SOCS1: variants seen among roughly 807,000 people sequenced by gnomAD.
The protein encoded by SOCS1 is suppressor of cytokine signaling 1, also known as JAK binding protein.
Under a neutral mutation model 9.7 loss-of-function variants are expected in SOCS1, and 3 were observed. The ratio of observed to expected loss-of-function variants is 0.31; its 90% CI spans 0.14 to 0.80. The LOEUF (loss-of-function observed/expected upper bound fraction) is 0.80, where lower values mean the gene tolerates loss of function less well. Among genes scored for constraint, SOCS1 ranks in the 30% least tolerant of loss-of-function variants. SOCS1 has a pLI of 0.61. For missense variants in SOCS1, 368 were observed against 324.7 expected (o/e 1.13, Z -1.02); for synonymous variants, 194 against 150.2 (o/e 1.29, Z -2.13).
chr16:11,255,311 G>A lies in SOCS1; in HGVS notation c.168C>T (p.Arg56=). Reference sequence around the variant, plus strand: ...GGTAATCGGCGTGCGAACGGAATGTGCGGAAGTGCGTGTCGCCGGGGGCCG... The same window carrying A: ...GGTAATCGGCGTGCGAACGGAATGTACGGAAGTGCGTGTCGCCGGGGGCCG... The part of the protein sequence containing the change: ...PAPAPGDTHF[R]TFRSHADYRR... The change falls in exon 2 of 2, where the codon CGC becomes CGT. Residue 56 remains arginine (R), a synonymous_variant. Coordinates refer to ENST00000332029, the MANE Select transcript of SOCS1 (RefSeq NM_003745.2). 3 of 1,488,186 alleles carry A rather than the reference G, an allele frequency of 2.0e-6. No individual in the cohort carries two copies. The highest frequency in any genetic ancestry group is 1.8e-6 in the Non-Finnish European group (2 of 1,123,658). 92.2% of individuals were successfully genotyped at this position (1,488,186 alleles called of 1,614,324 possible).
rs1194199987 is a variant in SOCS1 at position 11,256,156 on chromosome 16, T to C, written c.-128A>G. On this transcript the variant is annotated 5_prime_UTR_variant, in exon 1 of 2. Coordinates refer to ENST00000332029, the MANE Select transcript of SOCS1 (RefSeq NM_003745.2). ...GCTCCGGGGCGGCTCTCGCGCATGCTCCGGGGCCAGGAGCCGTGCAGCTGC... is the reference window on the plus strand; with the variant it reads ...GCTCCGGGGCGGCTCTCGCGCATGCCCCGGGGCCAGGAGCCGTGCAGCTGC... The C allele has an allele frequency of 1.3e-5, 2 of 151,262 alleles. No homozygotes were observed. The highest frequency in any genetic ancestry group is 2.0e-4 in the East Asian group (1 of 5,100). The allele number at this position is 151,262 out of a possible 1,614,324, so 9.4% of individuals were successfully genotyped here. A position where few individuals can be genotyped will look rare whatever the true frequency, so the allele number is the denominator to read the frequency against.
chr16:11,254,858 GA>G lies in SOCS1; in HGVS notation c.620del (p.Phe207SerfsTer16), dbSNP rs1567455227. 1 of 1,485,678 alleles carries G rather than the reference GA, an allele frequency of 6.7e-7. No homozygotes were observed. Among genetic ancestry groups the G allele is most frequent in the Non-Finnish European group, 8.9e-7 (1 of 1,126,930 alleles). The allele number at this position is 1,485,678 out of a possible 1,614,324, so 92.0% of individuals were successfully genotyped here. A position where few individuals can be genotyped will look rare whatever the true frequency, so the allele number is the denominator to read the frequency against. On this transcript the variant is annotated frameshift_variant, in exon 2 of 2. Transcript: ENST00000332029. LOFTEE classifies it high-confidence loss of function. Reference protein sequence around the residue: ...NPVLRDYLSSFPFQI With the variant: ...NPVLRDYLSSXPFQI ...GCGCTGCCGGTCAAATCTGGAAGGG[GA>G]AGGAGCTCAGGTAGTCGCGGAGGAC...
Position 11,255,422 on chromosome 16 carries a change from G to T in SOCS1, c.57C>A (p.Pro19=), listed in dbSNP as rs1352076296. ...ADNAVSTAAE[P]RRRPEPSSSS... is the part of the protein sequence containing the mutation. The stretch of plus-strand genomic sequence containing the variant: ...AGGAGGAAGGTTCTGGCCGCCGTCG[G>T]GGCTCTGCTGCTGTGGAGACTGCAT... Residue 19 remains proline (P), a synonymous_variant, in exon 2 of 2, where the codon CCC becomes CCA. Coordinates refer to ENST00000332029, the MANE Select transcript of SOCS1 (RefSeq NM_003745.2). 7.5e-7 allele frequency: 1 copy of T among 1,329,640 alleles called. No individual in the cohort carries two copies. The allele number at this position is 1,329,640 out of a possible 1,614,324, so 82.4% of individuals were successfully genotyped here.
rs1398362753 is a variant in SOCS1, at chr16:11,254,419, A to ATT, written c.*423_*424insAA. ...CGCTAGAAAACTTATTTTTTTTTAAAAAAAAAACTTTCATAATAAAGTTTA... is the reference window on the plus strand; with the variant it reads ...CGCTAGAAAACTTATTTTTTTTTAAATTAAAAAAACTTTCATAATAAAGTTTA... On this transcript the variant is annotated 3_prime_UTR_variant, in exon 2 of 2. Coordinates refer to ENST00000332029, the MANE Select transcript of SOCS1 (RefSeq NM_003745.2). 16 of 231,642 alleles carry ATT rather than the reference A, an allele frequency of 6.9e-5. No individual in the cohort carries two copies. The highest frequency in any genetic ancestry group is 3.6e-4 in the African/African-American group (16 of 44,792). The allele number at this position is 231,642 out of a possible 1,614,324, so 14.3% of individuals were successfully genotyped here. A position where few individuals can be genotyped will look rare whatever the true frequency, so the allele number is the denominator to read the frequency against.
chr16:11,254,548 A>C lies in SOCS1; in HGVS notation c.*295T>G. On this transcript the variant is annotated 3_prime_UTR_variant, in exon 2 of 2. Coordinates refer to ENST00000332029, the MANE Select transcript of SOCS1 (RefSeq NM_003745.2). The stretch of plus-strand genomic sequence containing the variant: ...CCTGGTTTGTGCAAAGATACTGGGT[A>C]TATGTAAACATGAAGAGGTAGGAGG... 1 of 326,234 alleles carries C rather than the reference A, an allele frequency of 3.1e-6. No homozygotes were observed. 20.2% of individuals were successfully genotyped at this position (326,234 alleles called of 1,614,324 possible). A position where few individuals can be genotyped will look rare whatever the true frequency, so the allele number is the denominator to read the frequency against.
At position 11,255,045 on chromosome 16, in the gene SOCS1, T is replaced by G. The variant is rs2141124651; in HGVS notation, c.434A>C (p.Asp145Ala). The change falls in exon 2 of 2, where the codon GAC becomes GCC. Residue 145 changes from aspartate to alanine, a missense_variant. Transcript: ENST00000332029. ...FHLDGSRESF[D>A]CLFELLEHYV... ...GTGCTCCAGCAGCTCGAAGAGGCAG[T>G]CGAAGCTCTCGCGGCTGCCATCCAG... is the stretch of plus-strand genomic sequence containing the variant. The G allele has an allele frequency of 6.2e-7, 1 of 1,607,306 alleles. No individual in the cohort carries two copies. The highest frequency in any genetic ancestry group is 2.3e-5 in the East Asian group (1 of 44,274).
chr16:11,255,360 C>T lies in SOCS1; in HGVS notation c.119G>A (p.Arg40Gln). ...SSSPAAPARP[R>Q]PCPAVPAPAP... is the part of the protein sequence containing the mutation. ...CGGGGCCGGGACCGCGGGGCACGGC[C>T]GCGGGCGCGCGGGGGCCGCGGGCGA... The change falls in exon 2 of 2, where the codon CGG becomes CAG. Residue 40 changes from arginine (R) to glutamine (Q), a missense_variant. Transcript: ENST00000332029. The T allele has an allele frequency of 3.0e-6, 4 of 1,343,244 alleles. No homozygotes were observed. The highest frequency in any genetic ancestry group is 3.1e-5 in the East Asian group (1 of 32,666). The allele number at this position is 1,343,244 out of a possible 1,614,324, so 83.2% of individuals were successfully genotyped here.
At position 11,254,810 on chromosome 16, in the gene SOCS1, A is replaced by C. The variant is rs2069574298; in HGVS notation, c.*33T>G. The stretch of plus-strand genomic sequence containing the variant: ...TAATAACAAAATAACACGGCATCCC[A>C]GTTAATGCTGCGTGCACGGCGGGCG... On this transcript the variant is annotated 3_prime_UTR_variant, in exon 2 of 2. Coordinates refer to ENST00000332029, the MANE Select transcript of SOCS1 (RefSeq NM_003745.2). The C allele has an allele frequency of 5.5e-6, 8 of 1,459,000 alleles. No individual in the cohort carries two copies. Among genetic ancestry groups the C allele is most frequent in the Admixed American group, 5.8e-5 (2 of 34,660 alleles). 90.4% of individuals were successfully genotyped at this position (1,459,000 alleles called of 1,614,324 possible).
At position 11,254,748 on chromosome 16, in the gene SOCS1, C is replaced by A; in HGVS notation, c.*95G>T. 20 of 1,374,014 alleles carry A rather than the reference C, an allele frequency of 1.5e-5. No homozygotes were observed. Among genetic ancestry groups the A allele is most frequent in the Non-Finnish European group, 1.9e-5 (20 of 1,063,328 alleles). 85.1% of individuals were successfully genotyped at this position (1,374,014 alleles called of 1,614,324 possible). ...CCTACACCCATCCGCTCCCTCCAACCCAGGCCGGGGAGGGTACCCACATGG... is the reference window on the plus strand; with the variant it reads ...CCTACACCCATCCGCTCCCTCCAACACAGGCCGGGGAGGGTACCCACATGG... On this transcript the variant is annotated 3_prime_UTR_variant, in exon 2 of 2. Coordinates refer to ENST00000332029, the MANE Select transcript of SOCS1 (RefSeq NM_003745.2).
At position 11,255,354 on chromosome 16, in the gene SOCS1, C is replaced by T. The variant is rs1306590732; in HGVS notation, c.125G>A (p.Cys42Tyr). The change falls in exon 2 of 2, where the codon TGC becomes TAC. Residue 42 changes from cysteine to tyrosine, a missense_variant. Cys to Tyr is a radical substitution (Grantham distance 194). Coordinates refer to ENST00000332029, the MANE Select transcript of SOCS1 (RefSeq NM_003745.2). ...SPAAPARPRPCPAVPAPAPGD... is the reference protein window; with the variant it reads ...SPAAPARPRPYPAVPAPAPGD... ...GGGGGCCGGGGCCGGGACCGCGGGGCACGGCCGCGGGCGCGCGGGGGCCGC... is the reference window on the plus strand; with the variant it reads ...GGGGGCCGGGGCCGGGACCGCGGGGTACGGCCGCGGGCGCGCGGGGGCCGC... 2 of 1,357,776 alleles carry T rather than the reference C, an allele frequency of 1.5e-6. No individual in the cohort carries two copies. The highest frequency in any genetic ancestry group is 1.9e-5 in the South Asian group (1 of 52,274). 84.1% of individuals were successfully genotyped at this position (1,357,776 alleles called of 1,614,324 possible). A position where few individuals can be genotyped will look rare whatever the true frequency, so the allele number is the denominator to read the frequency against.
In SOCS1 at chr16:11,255,301, A is replaced by T; in HGVS notation, c.178T>A (p.Ser60Thr). 1.3e-6 allele frequency: 2 copies of T among 1,526,656 alleles called. No homozygotes were observed. Among genetic ancestry groups the T allele is most frequent in the Non-Finnish European group, 1.8e-6 (2 of 1,141,632 alleles). 94.6% of individuals were successfully genotyped at this position (1,526,656 alleles called of 1,614,324 possible). ...GTGATGCGCCGGTAATCGGCGTGCG[A>T]ACGGAATGTGCGGAAGTGCGTGTCG... Reference protein sequence around the residue: ...PGDTHFRTFRSHADYRRITRA... With the variant: ...PGDTHFRTFRTHADYRRITRA... The change falls in exon 2 of 2, where the codon TCG (serine) becomes ACG (threonine). Residue 60 changes from serine to threonine, a missense_variant. Coordinates refer to ENST00000332029, the MANE Select transcript of SOCS1 (RefSeq NM_003745.2).
Position 11,255,172 on chromosome 16 carries a change from C to G in SOCS1, c.307G>C (p.Val103Leu), listed in dbSNP as rs769403369. ...LRAEPVGTFL[V>L]RDSRQRNCFF... ...CAGTTCCGCTGGCGGCTGTCGCGCA[C>G]CAGGAAGGTGCCCACGGGCTCGGCG... Residue 103 changes from valine (V) to leucine (L), a missense_variant, in exon 2 of 2, where the codon GTG (valine) becomes CTG (leucine). By Grantham distance (32) the Val-to-Leu change is conservative (BLOSUM62 1). Transcript: ENST00000332029. The G allele has an allele frequency of 7.0e-5, 111 of 1,596,698 alleles. No individual in the cohort carries two copies. The highest frequency in any genetic ancestry group is 8.9e-5 in the Non-Finnish European group (105 of 1,176,036).
chr16:11,254,660 C>A lies in SOCS1; in HGVS notation c.*183G>T, dbSNP rs1015148445. 3.8e-6 allele frequency: 3 copies of A among 783,904 alleles called. No individual in the cohort carries two copies. Among genetic ancestry groups the A allele is most frequent in the Non-Finnish European group, 5.3e-6 (3 of 563,558 alleles). The allele number at this position is 783,904 out of a possible 1,614,324, so 48.6% of individuals were successfully genotyped here. On this transcript the variant is annotated 3_prime_UTR_variant, in exon 2 of 2. Coordinates refer to ENST00000332029, the MANE Select transcript of SOCS1 (RefSeq NM_003745.2). ...AGGGAGCACCAGGAGGGGGAGGACC[C>A]CCTCAAGAGGTGAGAAGGGGTCTGC...
Position 11,255,380 on chromosome 16 carries a change from G to T in SOCS1, c.99C>A (p.Pro33=), listed in dbSNP as rs900800472. The T allele has an allele frequency of 1.5e-6, 2 of 1,338,442 alleles. No homozygotes were observed. The highest frequency in any genetic ancestry group is 1.9e-6 in the Non-Finnish European group (2 of 1,051,430). 82.9% of individuals were successfully genotyped at this position (1,338,442 alleles called of 1,614,324 possible). Residue 33 remains proline (P), a synonymous_variant, in exon 2 of 2, where the codon CCC becomes CCA. Coordinates refer to ENST00000332029, the MANE Select transcript of SOCS1 (RefSeq NM_003745.2). ...PEPSSSSSSS[P]AAPARPRPCP... ...ACGGCCGCGGGCGCGCGGGGGCCGC[G>T]GGCGAGGAGGAGGAAGAGGAGGAAG...
chr16:11,255,378 G>T lies in SOCS1; in HGVS notation c.101C>A (p.Ala34Glu). ...GCACGGCCGCGGGCGCGCGGGGGCC[G>T]CGGGCGAGGAGGAGGAAGAGGAGGA... is the stretch of plus-strand genomic sequence containing the variant. ...EPSSSSSSSP[A>E]APARPRPCPA... Residue 34 changes from alanine (A) to glutamate (E), a missense_variant, in exon 2 of 2, where the codon GCG becomes GAG. Physicochemically the swap from Ala to Glu is moderately radical, Grantham distance 107. Transcript: ENST00000332029. 1 of 1,338,758 alleles carries T rather than the reference G, an allele frequency of 7.5e-7. No homozygotes were observed. The allele number at this position is 1,338,758 out of a possible 1,614,324, so 82.9% of individuals were successfully genotyped here. A position where few individuals can be genotyped will look rare whatever the true frequency, so the allele number is the denominator to read the frequency against.
chr16:11,255,805 G>A, intron 1 of SOCS1: 1 of 231,546 alleles, frequency 4.3e-6, no homozygotes. Context: ...GCCGGTTCTG[G>A]CTCCAGCCGT....
At chr16:11,255,566 G>A (rs771329428) in intron 1 of SOCS1, 38 bp from the exon 2 acceptor site, 57 of 843,662 alleles carry the variant, frequency 6.8e-5, no homozygotes, top group Admixed American at 1.3e-4. Context: ...GGGCGCTGCG[G>A]GGCCGGGCAG....
rs981567045 is a variant in SOCS1, at chr16:11,254,672, G to A, written c.*171C>T. Reference sequence around the variant, plus strand: ...GAGGGGGAGGACCCCCTCAAGAGGTGAGAAGGGGTCTGCGGCCTCGTCTCC... The same window carrying A: ...GAGGGGGAGGACCCCCTCAAGAGGTAAGAAGGGGTCTGCGGCCTCGTCTCC... On this transcript the variant is annotated 3_prime_UTR_variant, in exon 2 of 2. Transcript: ENST00000332029. The A allele has an allele frequency of 5.4e-6, 5 of 927,562 alleles. No individual in the cohort carries two copies. The highest frequency in any genetic ancestry group is 1.7e-5 in the African/African-American group (1 of 57,416). The allele number at this position is 927,562 out of a possible 1,614,324, so 57.5% of individuals were successfully genotyped here.
At chr16:11,255,761 T>C in intron 1 of SOCS1, 2 of 263,476 alleles carry the variant, frequency 7.6e-6, no homozygotes, top group Non-Finnish European at 1.4e-5. Flanking sequence ...GAGTCCGGCC[T>C]CCGGGCAGCA....
Sources: allele counts gnomAD v4.1 joint callset, GRCh38; gene constraint gnomAD v4.1.1; transcripts MANE v1.5; gene names NCBI Gene and HGNC (gene_info 2026-07-23, HGNC 2026-07-21).